The following KCNMB2 variants were observed in gnomAD, a reference collection of about 807,000 sequenced individuals.
KCNMB2 encodes potassium calcium-activated channel subfamily M regulatory beta subunit 2, also known as calcium-activated potassium channel subunit beta-2.
Under a neutral mutation model 24.5 loss-of-function variants are expected in KCNMB2, and 9 were observed. The observed-to-expected ratio is 0.37, with a 90% CI of 0.22 to 0.64. The LOEUF (loss-of-function observed/expected upper bound fraction) is 0.64. Ranked by LOEUF, KCNMB2 falls within the 30% of genes least tolerant of loss-of-function variation. The pLI, the probability that KCNMB2 is intolerant of heterozygous loss-of-function variation, is 0.63. For missense variants in KCNMB2, 226 were observed against 284.3 expected (o/e 0.79, Z 1.47); for synonymous variants, 109 against 104.4 (o/e 1.04, Z -0.27).
At position 178,735,630 on chromosome 3, in the gene KCNMB2, G is replaced by T. The variant is rs115157469; in HGVS notation, c.-67-71713G>T. Among the ~76,000 whole-genome samples the T allele has an allele frequency of 4.9e-3, 741 of 152,266 alleles. 4 individuals carry two copies. The highest frequency in any genetic ancestry group is 0.017 in the African/African-American group (700 of 41,546). ...ATATCTAAATCAATACATATCTAAA[G>T]TGGAGGTAAGCTCTATTTCTGAGCA... is the stretch of plus-strand genomic sequence containing the variant. On this transcript the variant is annotated intron_variant, in intron 1 of 4. Transcript: ENST00000452583.
At chr3:178,778,617 C>T (rs1167423439) in intron 1 of KCNMB2, among the ~76,000 whole-genome samples, 3 of 152,148 alleles carry the variant, frequency 2.0e-5, no homozygotes, top group African/African-American at 7.2e-5. Context: ...CCCTGAGGAA[C>T]ACACCAAGGC....
chr3:178,609,413 T>C (rs1373499357), intron 1 of KCNMB2, among the ~76,000 whole-genome samples: 16 of 151,778 alleles, frequency 1.1e-4, no homozygotes, highest in South Asian at 6.2e-4. Flanking sequence ...TGTTTTTTTT[T>C]CCCATTCTGT....
chr3:178,751,886 A>G (rs987487158), intron 1 of KCNMB2, among the ~76,000 whole-genome samples: 1 of 152,246 alleles, frequency 6.6e-6, no homozygotes, highest in Admixed American at 6.5e-5. Context: ...TGCAGATGTT[A>G]CTTCTCTTAG....
Position 178,782,477 on chromosome 3 carries a change from G to A in KCNMB2, c.-67-24866G>A, listed in dbSNP as rs1220881846. The stretch of plus-strand genomic sequence containing the variant: ...GTTGTTTCCAGACTTTTTAATGATT[G>A]CCATTCTAACTGGCGTGAGATGGTA... On this transcript the variant is annotated intron_variant, in intron 1 of 4. Transcript: ENST00000452583. 7.3e-5 allele frequency among the ~76,000 whole-genome samples: 11 copies of A among 151,714 alleles called. No individual in the cohort carries two copies. In the East Asian group the frequency reaches 2.1e-3, roughly 29 times the overall value.
intron 1 of KCNMB2, among the ~76,000 whole-genome samples, chr3:178,625,574 G>A (rs910108048): frequency 6.6e-6 from 1 of 152,228 alleles, no homozygotes; most frequent in Admixed American, 6.5e-5. Context: ...GGAAGATAGA[G>A]AACAGAGATT....
Position 178,568,847 on chromosome 3 carries a change from AGATAGAT to A in KCNMB2, c.-68+32144_-68+32150del, listed in dbSNP as rs1224772954. Among the ~76,000 whole-genome samples the A allele has an allele frequency of 5.1e-4, 40 of 79,038 alleles. 1 individual carries two copies. In the South Asian group the frequency reaches 0.011, roughly 21 times the overall value. The allele number at this position is 79,038 out of a possible 152,430, so 51.9% of individuals were successfully genotyped here. A position where few individuals can be genotyped will look rare whatever the true frequency, so the allele number is the denominator to read the frequency against. The stretch of plus-strand genomic sequence containing the variant: ...ATAGATAGATGATAGATAGATAGAT[AGATAGAT>A]GATAGATAGATAGATAGATAGATAG... On this transcript the variant is annotated intron_variant, in intron 1 of 4. Transcript: ENST00000452583.
intron 4 of KCNMB2, among the ~76,000 whole-genome samples, chr3:178,835,715 TTTTG>T (rs10669225): frequency 1.3e-5 from 2 of 150,764 alleles, no homozygotes; most frequent in Non-Finnish European, 1.5e-5. Flanking sequence ...CATTTTTGGT[TTTTG>T]TTTGTTTGTT....
At chr3:178,816,378 T>G (rs1299027479) in intron 2 of KCNMB2, among the ~76,000 whole-genome samples, 1 of 151,980 alleles carries the variant, frequency 6.6e-6, no homozygotes, top group Non-Finnish European at 1.5e-5. Flanking sequence ...CTTTTCTATT[T>G]TTTCCTTGAT....
At chr3:178,704,438 A>T (rs1577111716) in intron 1 of KCNMB2, among the ~76,000 whole-genome samples, 1 of 152,194 alleles carries the variant, frequency 6.6e-6, no homozygotes, top group East Asian at 1.9e-4. Context: ...AGGCTAAATT[A>T]ATTAAATCCA....
At chr3:178,618,458 G>C (rs1718794922) in intron 1 of KCNMB2, among the ~76,000 whole-genome samples, 1 of 152,158 alleles carries the variant, frequency 6.6e-6, no homozygotes, top group African/African-American at 2.4e-5. Context: ...TCAACAGAAA[G>C]AAAGACCAGA....
At chr3:178,568,922 G>A (rs949094956) in intron 1 of KCNMB2, among the ~76,000 whole-genome samples, 3 of 151,836 alleles carry the variant, frequency 2.0e-5, no homozygotes, top group African/African-American at 7.3e-5. Context: ...ACTGAACTAG[G>A]ACCTTGGTTT....
chr3:178,634,542 G>A (rs1577063286), intron 1 of KCNMB2, among the ~76,000 whole-genome samples: 4 of 152,222 alleles, frequency 2.6e-5, no homozygotes, highest in Admixed American at 2.6e-4. Context: ...CATGAGAACA[G>A]CATGGAGGTA....
At chr3:178,617,353 T>A (rs758870365) in intron 1 of KCNMB2, among the ~76,000 whole-genome samples, 1 of 149,870 alleles carries the variant, frequency 6.7e-6, no homozygotes, top group Non-Finnish European at 1.5e-5. Flanking sequence ...GGTCAGGAGA[T>A]CGAGACCATC....
intron 2 of KCNMB2, among the ~76,000 whole-genome samples, chr3:178,823,701 C>T (rs1714722820): frequency 1.3e-5 from 2 of 152,164 alleles, no homozygotes; most frequent in South Asian, 4.1e-4. Flanking sequence ...TGGCCATAAA[C>T]ACCAGTCAGG....
intron 2 of KCNMB2, among the ~76,000 whole-genome samples, chr3:178,814,273 T>C (rs142322435): frequency 6.6e-6 from 1 of 152,184 alleles, no homozygotes; most frequent in East Asian, 1.9e-4. Flanking sequence ...GTTTCTGTGT[T>C]AATTCACTTA....
chr3:178,780,955 G>A (rs1485456463), intron 1 of KCNMB2, among the ~76,000 whole-genome samples: 2 of 152,132 alleles, frequency 1.3e-5, no homozygotes, highest in Non-Finnish European at 2.9e-5. Context: ...ACTAGCCACA[G>A]GTGACTACTG....
At chr3:178,673,674 A>T (rs942666163) in intron 1 of KCNMB2, among the ~76,000 whole-genome samples, 8 of 152,288 alleles carry the variant, frequency 5.3e-5, no homozygotes, top group African/African-American at 1.7e-4. Context: ...TCTCTATGGA[A>T]ACTTTACCAT....
At chr3:178,722,821 G>A (rs1328968667) in intron 1 of KCNMB2, among the ~76,000 whole-genome samples, 1 of 152,122 alleles carries the variant, frequency 6.6e-6, no homozygotes, top group African/African-American at 2.4e-5. Context: ...TGAGCCCTGG[G>A]GGCGGAGGTT....
At chr3:178,758,506 ATATAT>A (rs1724313560) in intron 1 of KCNMB2, among the ~76,000 whole-genome samples, 2 of 52,106 alleles carry the variant, frequency 3.8e-5, no homozygotes, top group Admixed American at 4.8e-4. Context: ...ATATATATAT[ATATAT>A]CTCCAAGAGG....
Sources: gnomAD v4.1 joint callset for allele counts (sites outside exome capture counted in the v4.1 genomes callset) on GRCh38, gnomAD v4.1.1 for gene constraint, MANE v1.5 for transcripts, NCBI Gene and HGNC (gene_info 2026-07-23, HGNC 2026-07-21) for gene names.